ZSCAN5A: variants seen among roughly 807,000 people sequenced by gnomAD.
The protein encoded by ZSCAN5A is zinc finger and SCAN domain-containing protein 5A.
A neutral mutation model predicts 23.7 loss-of-function variants in ZSCAN5A; 12 were observed. That is an observed-to-expected ratio of 0.51 (90% CI 0.32 to 0.82). The LOEUF (loss-of-function observed/expected upper bound fraction) is 0.82. ZSCAN5A is among the 40% of genes least tolerant of loss of function. ZSCAN5A has a pLI of 0.03. For missense variants in ZSCAN5A, 597 were observed against 617.9 expected (o/e 0.97, Z 0.36); for synonymous variants, 257 against 239.9 (o/e 1.07, Z -0.66).
intron 2 of ZSCAN5A, chr19:56,321,897 C>T: frequency 1.3e-6 from 1 of 787,684 alleles, no homozygotes; most frequent in Non-Finnish European, 2.4e-6. Flanking sequence ...TCAAGGGCTT[C>T]TGTTACCATC....
chr19:56,299,136 A>C (rs1022118117), intron 2 of ZSCAN5A, among the ~76,000 whole-genome samples: 1 of 151,932 alleles, frequency 6.6e-6, no homozygotes, highest in Non-Finnish European at 1.5e-5. Context: ...TACAGCTTAC[A>C]TTATTTTTTT....
In ZSCAN5A at chr19:56,244,059, A is replaced by C. The variant is rs558360387; in HGVS notation, c.-127-18886T>G. The C allele has an allele frequency of 2.2e-3, 2,292 of 1,057,012 alleles. 9 individuals carry two copies. Among genetic ancestry groups the C allele is most frequent in the Middle Eastern group, 0.014 (69 of 4,816 alleles). The allele number at this position is 1,057,012 out of a possible 1,614,324, so 65.5% of individuals were successfully genotyped here. A position where few individuals can be genotyped will look rare whatever the true frequency, so the allele number is the denominator to read the frequency against. Reference sequence around the variant, plus strand: ...CCACCAGATATGGCTGCAAATTGCAACTCCTCATGGGGTCAGGGAGGACCC... The same window carrying C: ...CCACCAGATATGGCTGCAAATTGCACCTCCTCATGGGGTCAGGGAGGACCC... On this transcript the variant is annotated intron_variant, in intron 2 of 5. Transcript: ENST00000683990.
At chr19:56,261,800 G>A (rs2037148043) in intron 2 of ZSCAN5A, among the ~76,000 whole-genome samples, 1 of 152,134 alleles carries the variant, frequency 6.6e-6, no homozygotes, top group South Asian at 2.1e-4. Flanking sequence ...CAAGTCTAAA[G>A]TTTGGCTATC....
At chr19:56,232,961 C>T (rs901672827) in intron 2 of ZSCAN5A, among the ~76,000 whole-genome samples, 1 of 152,208 alleles carries the variant, frequency 6.6e-6, no homozygotes, top group African/African-American at 2.4e-5. Flanking sequence ...GGATTACAGG[C>T]ATCAGCCATC....
intron 2 of ZSCAN5A, chr19:56,321,638 T>A: frequency 1.1e-6 from 1 of 903,136 alleles, no homozygotes; most frequent in Non-Finnish European, 1.9e-6. Flanking sequence ...CATCCATGCA[T>A]CGTTATGTCG....
intron 2 of ZSCAN5A, among the ~76,000 whole-genome samples, chr19:56,345,960 T>C (rs540118412): frequency 2.6e-5 from 4 of 152,104 alleles, no homozygotes; most frequent in Non-Finnish European, 5.9e-5. Context: ...CTCTTGGGGT[T>C]TGATAAGGAA....
chr19:56,350,447 TAAAGG>T (rs1393160820), intron 2 of ZSCAN5A, among the ~76,000 whole-genome samples: 6 of 152,220 alleles, frequency 3.9e-5, no homozygotes, highest in African/African-American at 1.4e-4. Flanking sequence ...ATTTAGTAAT[TAAAGG>T]AAAGGAATTG....
chr19:56,365,095 C>T (rs772169090), intron 1 of ZSCAN5A: 15 of 152,198 alleles, frequency 9.9e-5, no homozygotes, highest in Admixed American at 2.0e-4. Context: ...TAAACAAGAA[C>T]GCTTTGTTCT....
intron 2 of ZSCAN5A, among the ~76,000 whole-genome samples, chr19:56,241,777 T>C (rs191221747): frequency 6.6e-6 from 1 of 152,348 alleles, no homozygotes; most frequent in Admixed American, 6.5e-5. Flanking sequence ...ACTGCTACTA[T>C]GAGTCCACTA....
chr19:56,353,749 T>C (rs921524830), intron 2 of ZSCAN5A, among the ~76,000 whole-genome samples: 1 of 151,746 alleles, frequency 6.6e-6, no homozygotes, highest in Non-Finnish European at 1.5e-5. Flanking sequence ...GCCACTGCAC[T>C]CCAGCCTGGG....
intron 2 of ZSCAN5A, among the ~76,000 whole-genome samples, chr19:56,249,721 C>A (rs768894691): frequency 1.3e-5 from 2 of 152,188 alleles, no homozygotes; most frequent in Non-Finnish European, 2.9e-5. Context: ...AACTCAGGTG[C>A]CTATTTTATT....
At chr19:56,303,588 G>A (rs1403787120) in intron 2 of ZSCAN5A, among the ~76,000 whole-genome samples, 2 of 152,056 alleles carry the variant, frequency 1.3e-5, no homozygotes, top group African/African-American at 4.8e-5. Context: ...TTCATTCATT[G>A]ATTCAGTCAG....
rs1049563432 is a variant in ZSCAN5A, at chr19:56,314,814, G to A, written c.-363C>T. 1 of 152,300 alleles carries A rather than the reference G, an allele frequency of 6.6e-6. No homozygotes were observed. The highest frequency in any genetic ancestry group is 6.5e-5 in the Admixed American group (1 of 15,286). The allele number at this position is 152,300 out of a possible 1,614,324, so 9.4% of individuals were successfully genotyped here. A position where few individuals can be genotyped will look rare whatever the true frequency, so the allele number is the denominator to read the frequency against. On this transcript the variant is annotated 5_prime_UTR_variant, in exon 1 of 6. Transcript: ENST00000683990. Reference sequence around the variant, plus strand: ...GGGGCCGGGGAGAGCGGGACGCCTGGATCGGGAACTTGTCGCATTCACATT... The same window carrying A: ...GGGGCCGGGGAGAGCGGGACGCCTGAATCGGGAACTTGTCGCATTCACATT...
chr19:56,301,095 G>T (rs1002222769), intron 2 of ZSCAN5A, among the ~76,000 whole-genome samples: 1 of 152,130 alleles, frequency 6.6e-6, no homozygotes, highest in Non-Finnish European at 1.5e-5. Context: ...AAGACCCCCA[G>T]AGAGGGTTCT....
intron 2 of ZSCAN5A, among the ~76,000 whole-genome samples, chr19:56,256,544 C>T (rs577753341): frequency 1.3e-5 from 2 of 152,118 alleles, no homozygotes; most frequent in South Asian, 2.1e-4. Context: ...CAGGTGTGTG[C>T]GTGTATACAT....
At chr19:56,291,547 C>T (rs1359969550) in intron 2 of ZSCAN5A, among the ~76,000 whole-genome samples, 1 of 152,020 alleles carries the variant, frequency 6.6e-6, no homozygotes, top group Non-Finnish European at 1.5e-5. Context: ...CTTTTCCTCT[C>T]CTCTCCTTCC....
At chr19:56,265,651 AAAGTG>A (rs1326837990) in intron 2 of ZSCAN5A, among the ~76,000 whole-genome samples, 2 of 152,116 alleles carry the variant, frequency 1.3e-5, no homozygotes, top group Non-Finnish European at 2.9e-5. Flanking sequence ...TCAAAGGATT[AAAGTG>A]AAGGCTGGAG....
At chr19:56,281,354 G>GTT (rs2038687626) in intron 2 of ZSCAN5A, among the ~76,000 whole-genome samples, 1 of 30,138 alleles carries the variant, frequency 3.3e-5, no homozygotes, top group Non-Finnish European at 8.7e-5. Context: ...GGTCAACGGT[G>GTT]TGTGTATGTA....
chr19:56,246,366 G>T, intron 2 of ZSCAN5A: 1 of 522,310 alleles, frequency 1.9e-6, no homozygotes, highest in South Asian at 2.3e-5. Flanking sequence ...GTGCCCCAAA[G>T]GCTCTGAGAC....
Sources: allele counts gnomAD v4.1 joint callset (sites outside exome capture counted in the v4.1 genomes callset), GRCh38; gene constraint gnomAD v4.1.1; transcripts MANE v1.5; gene names NCBI Gene and HGNC (gene_info 2026-07-23, HGNC 2026-07-21).